Variants in DSCAM observed in about 807,000 individuals in gnomAD.
The protein encoded by DSCAM is cell adhesion molecule DSCAM.
In DSCAM, 47 loss-of-function variants were observed where a neutral mutation model predicts 217.7. The ratio of observed to expected loss-of-function variants is 0.22; its 90% CI spans 0.17 to 0.28. The LOEUF is 0.28. Among genes scored for constraint, DSCAM ranks in the 10% least tolerant of loss-of-function variants. The probability of loss-of-function intolerance (pLI) is 1.00; values close to 1 mark genes in which losing one functional copy is unlikely to be tolerated. For synonymous variants in DSCAM, 1,056 were observed against 1,015.3 expected (o/e 1.04, Z -0.76); for missense variants, 2,080 against 2,618.3 (o/e 0.79, Z 4.49).
At chr21:40,672,261 C>T (rs1278714408) in intron 3 of DSCAM, among the ~76,000 whole-genome samples, 1 of 152,006 alleles carries the variant, frequency 6.6e-6, no homozygotes, top group Non-Finnish European at 1.5e-5. Flanking sequence ...GTAGAAGGTG[C>T]TCTTGGTGGT....
rs931040139 is a variant in DSCAM, at chr21:40,144,380, G to A, written c.3259+111C>T. The A allele has an allele frequency of 2.0e-6, 3 of 1,508,074 alleles. No individual in the cohort carries two copies. Among genetic ancestry groups the A allele is most frequent in the African/African-American group, 2.8e-5 (2 of 72,178 alleles). The allele number at this position is 1,508,074 out of a possible 1,614,324, so 93.4% of individuals were successfully genotyped here. A position where few individuals can be genotyped will look rare whatever the true frequency, so the allele number is the denominator to read the frequency against. ...CCACCCGAGACCCCAGGCCCTGCAG[G>A]TCACTGCAAAGTCGTGGGGCGGGGG... On this transcript the variant is annotated intron_variant, in intron 17 of 32. Transcript: ENST00000400454. This position sits in a 1 kb window ranked among gnomAD's most constrained non-coding sequence, Gnocchi z 4.8.
chr21:40,420,759 A>G (rs2075416281), intron 3 of DSCAM, among the ~76,000 whole-genome samples: 1 of 152,202 alleles, frequency 6.6e-6, no homozygotes, highest in Non-Finnish European at 1.5e-5. Context: ...GTGACCCTGA[A>G]GGCAGATATC....
At chr21:40,097,954 A>AAAAAAAG (rs1555877400) in intron 20 of DSCAM, among the ~76,000 whole-genome samples, 1 of 51,516 alleles carries the variant, frequency 1.9e-5, no homozygotes, top group Non-Finnish European at 3.6e-5. Context: ...AAAAAAAAAA[A>AAAAAAAG]AAAGAAAGAA....
chr21:40,548,169 G>C (rs1202289720), intron 3 of DSCAM, among the ~76,000 whole-genome samples: 2 of 152,144 alleles, frequency 1.3e-5, no homozygotes, highest in African/African-American at 4.8e-5. Context: ...ATAGAAAAAA[G>C]CGCCAGCTCC....
intron 3 of DSCAM, among the ~76,000 whole-genome samples, chr21:40,624,336 T>C (rs1180223704): frequency 1.3e-5 from 2 of 152,208 alleles, no homozygotes; most frequent in South Asian, 2.1e-4. Context: ...GACAGAAAGA[T>C]CTTTTTTTAA....
Position 40,093,871 on chromosome 21 carries a change from T to C in DSCAM, c.3700A>G (p.Ile1234Val). ...TCGGGAGAGGCCTCAAACTCGCTGA[T>C]CACCTGTAAAAAGAGACATAAGTGT... ...VFCSHPYPTV[I>V]SEFEASPDSF... Residue 1234 changes from isoleucine to valine, a missense_variant, in exon 21 of 33, where the codon ATC becomes GTC. By Grantham distance (29) the Ile-to-Val change is conservative. Coordinates refer to ENST00000400454, the MANE Select transcript of DSCAM (RefSeq NM_001389.5). 6.2e-7 allele frequency: 1 copy of C among 1,613,342 alleles called. No individual in the cohort carries two copies. The highest frequency in any genetic ancestry group is 8.5e-7 in the Non-Finnish European group (1 of 1,179,806).
At chr21:40,393,664 T>TA (rs1178194429) in intron 3 of DSCAM, among the ~76,000 whole-genome samples, 1 of 152,214 alleles carries the variant, frequency 6.6e-6, no homozygotes, top group Non-Finnish European at 1.5e-5. Context: ...TGACCATTAT[T>TA]AACATGTTTG....
intron 3 of DSCAM, among the ~76,000 whole-genome samples, chr21:40,646,156 G>T (rs987334168): frequency 2.0e-4 from 31 of 152,232 alleles, no homozygotes; most frequent in African/African-American, 7.5e-4. Flanking sequence ...GTGGCTCCTG[G>T]CTGCAATCCT....
chr21:40,570,948 A>C (rs2076801658), intron 3 of DSCAM, among the ~76,000 whole-genome samples: 1 of 152,218 alleles, frequency 6.6e-6, no homozygotes, highest in Non-Finnish European at 1.5e-5. Flanking sequence ...GAGAAAAAAT[A>C]TTTTAAGAGA....
At position 40,313,301 on chromosome 21, in the gene DSCAM, C is replaced by T. The variant is rs192623045; in HGVS notation, c.1784-942G>A. ...TGTAACTTTTAATTGTGAACTGGTCCGTGGCAGGTTATTTGACTTGCTGAT... is the reference window on the plus strand; with the variant it reads ...TGTAACTTTTAATTGTGAACTGGTCTGTGGCAGGTTATTTGACTTGCTGAT... On this transcript the variant is annotated intron_variant, in intron 8 of 32. Coordinates refer to ENST00000400454, the MANE Select transcript of DSCAM (RefSeq NM_001389.5). Among the ~76,000 whole-genome samples the T allele has an allele frequency of 3.5e-3, 528 of 152,182 alleles. 2 individuals are homozygous for T. Among genetic ancestry groups the T allele is most frequent in the Non-Finnish European group, 4.4e-3 (301 of 68,004 alleles).
chr21:40,347,570 G>T, intron 6 of DSCAM, 100 bp downstream of exon 6: 1 of 1,512,126 alleles, frequency 6.6e-7, no homozygotes, highest in Non-Finnish European at 9.0e-7. Context: ...AGAGAGCCTA[G>T]AACTGAGCGA....
intron 3 of DSCAM, among the ~76,000 whole-genome samples, chr21:40,437,814 C>A (rs1442842435): frequency 6.6e-6 from 1 of 152,130 alleles, no homozygotes; most frequent in African/African-American, 2.4e-5. Flanking sequence ...CCTGCCACTG[C>A]ACTCCAACCT....
At chr21:40,176,496 G>A (rs991347847) in intron 15 of DSCAM, among the ~76,000 whole-genome samples, 1 of 152,146 alleles carries the variant, frequency 6.6e-6, no homozygotes, top group Non-Finnish European at 1.5e-5. Flanking sequence ...TGCTGGGAAG[G>A]GGCAGCAGTG....
intron 15 of DSCAM, among the ~76,000 whole-genome samples, chr21:40,169,083 T>C (rs1325256138): frequency 3.3e-5 from 5 of 152,020 alleles, no homozygotes; most frequent in African/African-American, 1.2e-4. Context: ...GAAGGAATAA[T>C]GAATGTCCTG....
intron 3 of DSCAM, among the ~76,000 whole-genome samples, chr21:40,396,460 C>G (rs920116531): frequency 3.3e-5 from 5 of 152,136 alleles, no homozygotes; most frequent in African/African-American, 1.2e-4. Flanking sequence ...GAAGTTTCAG[C>G]TCAGTAATGG....
At chr21:40,649,127 C>G (rs1263580200) in intron 3 of DSCAM, among the ~76,000 whole-genome samples, 1 of 152,184 alleles carries the variant, frequency 6.6e-6, no homozygotes, top group African/African-American at 2.4e-5. Flanking sequence ...AGTCATCAGG[C>G]CAGTGCACTA....
chr21:40,481,530 C>CAAA (rs34586895), intron 3 of DSCAM, among the ~76,000 whole-genome samples: 91 of 60,404 alleles, frequency 1.5e-3, no homozygotes, highest in African/African-American at 2.4e-3. Flanking sequence ...ACTCTGTCTC[C>CAAA]AAAAAAAAAA....
At chr21:40,362,749 C>T (rs2074781355) in intron 4 of DSCAM, among the ~76,000 whole-genome samples, 1 of 151,946 alleles carries the variant, frequency 6.6e-6, no homozygotes, top group Admixed American at 6.6e-5. Flanking sequence ...GAGTTAGTGC[C>T]CTGGTTTCTA....
intron 1 of DSCAM, among the ~76,000 whole-genome samples, chr21:40,739,885 A>T (rs1029151445): frequency 1.6e-4 from 24 of 149,584 alleles, no homozygotes; most frequent in African/African-American, 5.9e-4. Context: ...AATGATTTTC[A>T]ATATTCAGTC....
Sources: allele counts gnomAD v4.1 joint callset (sites outside exome capture counted in the v4.1 genomes callset), GRCh38; gene constraint gnomAD v4.1.1; non-coding constraint Gnocchi (gnomAD v3.1); transcripts MANE v1.5; gene names NCBI Gene and HGNC (gene_info 2026-07-23, HGNC 2026-07-21).